Variants in C13orf46 observed in about 807,000 individuals in gnomAD.
C13orf46 encodes uncharacterized protein C13orf46.
chr13:113,948,434 G>A, the C13orf46 span, among the ~76,000 whole-genome samples: 2 of 152,356 alleles, frequency 1.3e-5, no homozygotes, highest in Non-Finnish European at 2.9e-5. Context: ...TTAACCAGGA[G>A]GCCCTGGGCT....
intron 1 of C13orf46, among the ~76,000 whole-genome samples, chr13:113,971,635 A>G (rs1232294370): frequency 6.6e-6 from 1 of 152,164 alleles, no homozygotes; most frequent in Admixed American, 6.5e-5. Flanking sequence ...TGCCCCCGTG[A>G]AGTCGGCCAC....
Position 113,955,189 on chromosome 13 carries a change from GGAGGAGCATCCCGTGGAGAC to G in C13orf46, c.*1564_*1583del, listed in dbSNP as rs1469794918. On this transcript the variant is annotated 3_prime_UTR_variant, in exon 7 of 7. Transcript: ENST00000636427. ...GGAGAGGAGGAGCATCTGGTGGAGA[GGAGGAGCATCCCGTGGAGAC>G]GAGGAGCATCCCGTGGAGACGAGGA... 3.7e-4 allele frequency: 74 copies of G among 199,468 alleles called. No homozygotes were observed. The East Asian group carries it at 4.1e-3, about 11-fold the overall frequency. The allele number at this position is 199,468 out of a possible 1,614,324, so 12.4% of individuals were successfully genotyped here.
chr13:113,946,358 G>A, the C13orf46 span, among the ~76,000 whole-genome samples: 5 of 152,306 alleles, frequency 3.3e-5, no homozygotes, highest in South Asian at 2.1e-4. Flanking sequence ...CAGGACCCTC[G>A]GGGGGACCAG....
downstream of C13orf46, among the ~76,000 whole-genome samples, chr13:113,948,910 C>A (rs1188116858): frequency 1.5e-4 from 23 of 152,222 alleles, no homozygotes; most frequent in Non-Finnish European, 3.1e-4. Context: ...TTCATAACAA[C>A]TCTTTTTCAC....
At chr13:113,957,316 T>C in intron 6 of C13orf46, among the ~76,000 whole-genome samples, 1 of 115,626 alleles carries the variant, frequency 8.6e-6, no homozygotes, top group African/African-American at 3.4e-5. Context: ...GCACCCCCTT[T>C]CATCAAGCAC....
At chr13:113,945,005 GTCCTCCAGGTGTGTGATGGA>G in the C13orf46 span, among the ~76,000 whole-genome samples, 1 of 114,410 alleles carries the variant, frequency 8.7e-6, no homozygotes, top group Non-Finnish European at 1.8e-5. Context: ...TGTGTGACAA[GTCCTCCAGGTGTGTGATGGA>G]TCCTCCAGGT....
chr13:113,963,135 C>CG lies in C13orf46; in HGVS notation c.572+1791dup, dbSNP rs1566418856. On this transcript the variant is annotated intron_variant, in intron 6 of 6. Coordinates refer to ENST00000636427, the MANE Select transcript of C13orf46 (RefSeq NM_001365455.2). ...CAAAGCTGGCCCTGGGCAAGGATGCCGCTTGGCAGGTACAGCTGCAGCCCC... is the reference window on the plus strand; with the variant it reads ...CAAAGCTGGCCCTGGGCAAGGATGCCGGCTTGGCAGGTACAGCTGCAGCCCC... Among the ~76,000 whole-genome samples, 3 of 152,276 alleles carry CG rather than the reference C, an allele frequency of 2.0e-5. No homozygotes were observed. The South Asian group carries it at 6.2e-4, about 32-fold the overall frequency.
chr13:113,971,168 C>T (rs1449659512), intron 1 of C13orf46, among the ~76,000 whole-genome samples: 2 of 152,210 alleles, frequency 1.3e-5, no homozygotes, highest in East Asian at 1.9e-4. Flanking sequence ...CCCTGGCTTC[C>T]CGCAGCTACT....
the C13orf46 span, among the ~76,000 whole-genome samples, chr13:113,932,220 T>G: frequency 6.6e-6 from 1 of 152,220 alleles, no homozygotes; most frequent in Non-Finnish European, 1.5e-5. Flanking sequence ...TTGTGAACGT[T>G]TACGACACAG....
chr13:113,973,179 C>T (rs2052726956), intron 1 of C13orf46, among the ~76,000 whole-genome samples: 1 of 152,212 alleles, frequency 6.6e-6, no homozygotes, highest in Non-Finnish European at 1.5e-5. Flanking sequence ...CAGAGATAAA[C>T]GGCCACAGGC....
At chr13:113,957,343 T>A in intron 6 of C13orf46, among the ~76,000 whole-genome samples, 1 of 122,976 alleles carries the variant, frequency 8.1e-6, no homozygotes, top group Non-Finnish European at 1.7e-5. Context: ...GGATCTCCCC[T>A]GCACCTCTGC....
At chr13:113,953,248 C>T (rs1179398871), downstream of C13orf46, among the ~76,000 whole-genome samples, 2 of 152,218 alleles carry the variant, frequency 1.3e-5, no homozygotes, top group African/African-American at 4.8e-5. Flanking sequence ...TGGCCACTCA[C>T]ATCCCACAGG....
chr13:113,942,121 G>T, the C13orf46 span, among the ~76,000 whole-genome samples: 1 of 152,242 alleles, frequency 6.6e-6, no homozygotes, highest in African/African-American at 2.4e-5. Context: ...AACGCACAGA[G>T]GCCGTGCTGA....
downstream of C13orf46, among the ~76,000 whole-genome samples, chr13:113,950,777 A>T (rs2052485528): frequency 6.6e-6 from 1 of 152,152 alleles, no homozygotes; most frequent in South Asian, 2.1e-4. Context: ...CGCCCAGGGG[A>T]GACACAGGAG....
At chr13:113,935,084 C>G in the C13orf46 span, among the ~76,000 whole-genome samples, 1 of 152,222 alleles carries the variant, frequency 6.6e-6, no homozygotes, top group Non-Finnish European at 1.5e-5. Flanking sequence ...ATTTTGCTTC[C>G]GACGTTACAA....
Position 113,955,206 on chromosome 13 carries a change from A to C in C13orf46, c.*1567T>G, listed in dbSNP as rs1232488155. 5.4e-6 allele frequency: 1 copy of C among 184,484 alleles called. No homozygotes were observed. Among genetic ancestry groups the C allele is most frequent in the East Asian group, 2.2e-4 (1 of 4,636 alleles). 11.4% of individuals were successfully genotyped at this position (184,484 alleles called of 1,614,324 possible). On this transcript the variant is annotated 3_prime_UTR_variant, in exon 7 of 7. Transcript: ENST00000636427. The stretch of plus-strand genomic sequence containing the variant: ...GGTGGAGAGGAGGAGCATCCCGTGG[A>C]GACGAGGAGCATCCCGTGGAGACGA...
chr13:113,942,334 C>T, the C13orf46 span, among the ~76,000 whole-genome samples: 1,215 of 152,318 alleles, frequency 8.0e-3, 16 homozygotes, highest in African/African-American at 0.028. Context: ...AAAATCACCA[C>T]GAGTCAAAGT....
downstream of C13orf46, among the ~76,000 whole-genome samples, chr13:113,950,449 A>G (rs1251210459): frequency 2.1e-4 from 26 of 124,128 alleles, no homozygotes; most frequent in African/African-American, 3.5e-4. Context: ...TGGGGTCCTC[A>G]CCCCCTGCCT....
chr13:113,937,510 G>T, the C13orf46 span, among the ~76,000 whole-genome samples: 4 of 152,142 alleles, frequency 2.6e-5, no homozygotes, highest in African/African-American at 9.7e-5. Context: ...TCTCAGTAGC[G>T]TTGTAAACCA....
Sources: gnomAD v4.1 joint callset for allele counts (sites outside exome capture counted in the v4.1 genomes callset) on GRCh38, gnomAD v4.1.1 for gene constraint, MANE v1.5 for transcripts, NCBI Gene and HGNC (gene_info 2026-07-23, HGNC 2026-07-21) for gene names.